Variants in NEB observed in about 807,000 individuals in gnomAD.
NEB encodes nemaline myopathy type 2.
In NEB, 512 loss-of-function variants were observed where a neutral mutation model predicts 952.2. The ratio of observed to expected loss-of-function variants is 0.54; its 90% CI spans 0.50 to 0.58. The LOEUF is 0.58. Ranked by LOEUF, NEB falls within the 20% of genes least tolerant of loss-of-function variation. The pLI is 0.00. For synonymous variants in NEB, 2,900 were observed against 3,149.8 expected (o/e 0.92, Z 2.66); for missense variants, 8,428 against 9,231.1 (o/e 0.91, Z 3.56).
intron 20 of NEB, among the ~76,000 whole-genome samples, chr2:151,692,781 C>A (rs2099568857): frequency 6.6e-6 from 1 of 152,110 alleles, no homozygotes; most frequent in Non-Finnish European, 1.5e-5. Context: ...ACCAGCCTGG[C>A]CAATGTGGTA....
chr2:151,648,542 A>G (rs944852813), intron 54 of NEB, among the ~76,000 whole-genome samples: 1 of 152,224 alleles, frequency 6.6e-6, no homozygotes, highest in Admixed American at 6.5e-5. Flanking sequence ...GGAGCAACAC[A>G]CATTGTACCC....
chr2:151,531,354 C>T (rs1484216768), intron 144 of NEB, among the ~76,000 whole-genome samples: 1 of 134,120 alleles, frequency 7.5e-6, no homozygotes, highest in African/African-American at 2.8e-5. Context: ...TCTCACTTTG[C>T]CACCCAGGCT....
At chr2:151,556,008 T>C (rs1440604669) in intron 124 of NEB, among the ~76,000 whole-genome samples, 1 of 152,202 alleles carries the variant, frequency 6.6e-6, no homozygotes, top group East Asian at 1.9e-4. Flanking sequence ...CTCTATAATT[T>C]TGTTCATGAC....
chr2:151,685,760 T>C (rs2099492592), intron 27 of NEB, among the ~76,000 whole-genome samples: 1 of 152,214 alleles, frequency 6.6e-6, no homozygotes, highest in Admixed American at 6.5e-5. Context: ...CACTCACCAA[T>C]TACTTTGACA....
rs748037366 is a variant in NEB at position 151,560,647 on chromosome 2, G to A, written c.19259C>T (p.Pro6420Leu). The A allele has an allele frequency of 6.2e-7, 1 of 1,612,712 alleles. No individual in the cohort carries two copies. The highest frequency in any genetic ancestry group is 8.5e-7 in the Non-Finnish European group (1 of 1,179,456). ...GTGTGTCAGGGACAAGGTGCTGGAA[G>A]GCAGGATGTAGCTGGTGGCTTTCAC... ...DRVKATSYIL[P>L]SSTLSLTHAK... The change falls in exon 124 of 182, where the codon CCT (proline) becomes CTT (leucine). Residue 6420 changes from proline to leucine, a missense_variant. Physicochemically the swap from Pro to Leu is moderately conservative, Grantham distance 98 (BLOSUM62 -3). Coordinates refer to ENST00000397345, the MANE Select transcript of NEB (RefSeq NM_001164508.2).
At chr2:151,706,319 C>G (rs927467590) in intron 13 of NEB, among the ~76,000 whole-genome samples, 1 of 152,174 alleles carries the variant, frequency 6.6e-6, no homozygotes, top group African/African-American at 2.4e-5. Context: ...GAGATAAACT[C>G]AAATCATCAC....
Position 151,671,239 on chromosome 2 carries a change from G to T in NEB, c.4300-10C>A. 1 of 1,602,378 alleles carries T rather than the reference G, an allele frequency of 6.2e-7. No homozygotes were observed. Among genetic ancestry groups the T allele is most frequent in the South Asian group, 1.1e-5 (1 of 90,476 alleles). ...CGTCTTTATACACATTCTGTAAAAGGGTAAGCTAATATGAGAAGATACCCT... is the reference window on the plus strand; with the variant it reads ...CGTCTTTATACACATTCTGTAAAAGTGTAAGCTAATATGAGAAGATACCCT... On this transcript the variant is annotated splice_polypyrimidine_tract_variant and intron_variant, in intron 37 of 181. Transcript: ENST00000397345.
intron 169 of NEB, 23 bp from the exon 170 acceptor site, chr2:151,498,375 G>A (rs1464821704): frequency 2.7e-6 from 4 of 1,497,046 alleles, no homozygotes; most frequent in Admixed American, 2.1e-5. Context: ...AAAGCATCCA[G>A]AACAAAAAAA....
intron 167 of NEB, among the ~76,000 whole-genome samples, chr2:151,502,006 CTG>C (rs1232887688): frequency 6.6e-6 from 1 of 152,114 alleles, no homozygotes; most frequent in Non-Finnish European, 1.5e-5. Flanking sequence ...CTGTGAATTG[CTG>C]TGTTGTCTTT....
intron 9 of NEB, among the ~76,000 whole-genome samples, chr2:151,719,548 T>C (rs2099768490): frequency 6.6e-6 from 1 of 152,192 alleles, no homozygotes; most frequent in Non-Finnish European, 1.5e-5. Flanking sequence ...GATTTTGAAA[T>C]GTATTTACAC....
At position 151,534,145 on chromosome 2, in the gene NEB, C is replaced by T. The variant is rs573996296; in HGVS notation, c.21313-599G>A. ...GAACCTATGACATCCTTGCAGCAGACGGGATGACATCTCATGAGAAACTGG... is the reference window on the plus strand; with the variant it reads ...GAACCTATGACATCCTTGCAGCAGATGGGATGACATCTCATGAGAAACTGG... On this transcript the variant is annotated intron_variant, in intron 142 of 181. Coordinates refer to ENST00000397345, the MANE Select transcript of NEB (RefSeq NM_001164508.2). 3.9e-5 allele frequency: 43 copies of T among 1,096,158 alleles called. 1 individual carries two copies. Among genetic ancestry groups the T allele is most frequent in the Non-Finnish European group, 4.9e-5 (36 of 729,078 alleles). 67.9% of individuals were successfully genotyped at this position (1,096,158 alleles called of 1,614,324 possible).
chr2:151,658,984 T>A (rs193281402), intron 47 of NEB, 81 bp downstream of exon 47: 2 of 988,102 alleles, frequency 2.0e-6, no homozygotes, highest in Admixed American at 3.4e-5. Context: ...CTCTCATAAC[T>A]GAGAGAGATA....
chr2:151,538,782 A>T (rs538925558), intron 138 of NEB, among the ~76,000 whole-genome samples: 34 of 152,334 alleles, frequency 2.2e-4, no homozygotes, highest in Non-Finnish European at 4.6e-4. Context: ...TCATTTCATT[A>T]TAATCTTTAT....
rs753686179 is a variant in NEB, at chr2:151,643,825, T to A, written c.7949A>T (p.Gln2650Leu). Residue 2650 changes from glutamine (Q) to leucine (L), a missense_variant, in exon 57 of 182, where the codon CAG becomes CTG. Gln to Leu is a moderately radical substitution (Grantham distance 113). Coordinates refer to ENST00000397345, the MANE Select transcript of NEB (RefSeq NM_001164508.2). ...GGAAAATCTTAGACTCACATCGCTC[T>A]GGAGGTCATAGGCCTGCCGAGCATG... ...VIHARQAYDL[Q>L]SDNLYKSDLQ... 2 of 1,613,082 alleles carry A rather than the reference T, an allele frequency of 1.2e-6. No homozygotes were observed. Among genetic ancestry groups the A allele is most frequent in the Non-Finnish European group, 1.7e-6 (2 of 1,179,098 alleles).
At position 151,717,431 on chromosome 2, in the gene NEB, G is replaced by T. The variant is rs1430006856; in HGVS notation, c.807C>A (p.Thr269=). Residue 269 remains threonine, a synonymous_variant, in exon 10 of 182, where the codon ACC becomes ACA. Coordinates refer to ENST00000397345, the MANE Select transcript of NEB (RefSeq NM_001164508.2). ...ATTTACTTACCTTGCTCACTTGATT[G>T]GTTACTTTCTTGGCAAATTCTATAT... The part of the protein sequence containing the change: ...PPDIEFAKKV[T]NQVSKQKYKE... The T allele has an allele frequency of 1.2e-6, 2 of 1,611,902 alleles. No individual in the cohort carries two copies. Among genetic ancestry groups the T allele is most frequent in the Admixed American group, 1.7e-5 (1 of 60,006 alleles).
intron 173 of NEB, 55 bp from the exon 174 acceptor site, chr2:151,494,308 CAA>C: frequency 1.7e-6 from 2 of 1,209,138 alleles, no homozygotes; most frequent in African/African-American, 3.1e-5. Context: ...TAACAGTTAC[CAA>C]AAAAGGAAAT....
intron 13 of NEB, among the ~76,000 whole-genome samples, chr2:151,705,167 A>C (rs1292945048): frequency 6.6e-6 from 1 of 152,164 alleles, no homozygotes; most frequent in Non-Finnish European, 1.5e-5. Context: ...ATTAGCCTTC[A>C]AAATTATATA....
chr2:151,608,905 CAAAAAAAAAAAAA>C (rs1163520121), intron 81 of NEB, among the ~76,000 whole-genome samples: 1 of 34,436 alleles, frequency 2.9e-5, no homozygotes, highest in Admixed American at 3.4e-4. Flanking sequence ...CTCCGTCTCA[CAAAAAAAAAAAAA>C]AAAAAAAAAA....
At chr2:151,551,671 C>G (rs964325118) in intron 129 of NEB, 67 bp downstream of exon 129, 57 of 1,233,146 alleles carry the variant, frequency 4.6e-5, no homozygotes, top group African/African-American at 1.2e-4. Context: ...GAAGCAAGCT[C>G]AGCTTGCTTC....
Sources: allele counts gnomAD v4.1 joint callset (sites outside exome capture counted in the v4.1 genomes callset), GRCh38; gene constraint gnomAD v4.1.1; transcripts MANE v1.5; gene names NCBI Gene and HGNC (gene_info 2026-07-23, HGNC 2026-07-21).